TUSC3: variants seen among roughly 807,000 people sequenced by gnomAD.
The protein encoded by TUSC3 is tumor suppressor candidate 3.
A neutral mutation model predicts 44.8 loss-of-function variants in TUSC3; 45 were observed. That is an observed-to-expected ratio of 1.00 (90% CI 0.79 to 1.29). The LOEUF is 1.29. Among genes scored for constraint, TUSC3 ranks in the 50% most tolerant of loss-of-function variants. The pLI is 0.00. For missense variants in TUSC3, 519 were observed against 437.9 expected (o/e 1.19, Z -1.65); for synonymous variants, 212 against 152.9 (o/e 1.39, Z -2.85).
chr8:15,571,209 C>T (rs564396472), intron 1 of TUSC3, among the ~76,000 whole-genome samples: 2 of 151,982 alleles, frequency 1.3e-5, no homozygotes, highest in South Asian at 2.1e-4. Context: ...CTGCCTCGGC[C>T]TCCCAAAGTG....
chr8:15,780,203 A>G, the TUSC3 span, among the ~76,000 whole-genome samples: 1 of 152,174 alleles, frequency 6.6e-6, no homozygotes, highest in African/African-American at 2.4e-5. Flanking sequence ...ATTCTGATGA[A>G]CTGGGCAACT....
At chr8:15,634,590 G>C (rs1007315279) in intron 2 of TUSC3, among the ~76,000 whole-genome samples, 1 of 152,190 alleles carries the variant, frequency 6.6e-6, no homozygotes, top group Non-Finnish European at 1.5e-5. Context: ...GGTTGAAGAT[G>C]GCAGATCCAG....
rs117995896 is a variant in TUSC3 at position 15,706,841 on chromosome 8, A to G, written c.799-23825A>G. 3.4e-3 allele frequency among the ~76,000 whole-genome samples: 523 copies of G among 152,106 alleles called. 9 individuals are homozygous for G. In the East Asian group the frequency reaches 0.036, roughly 10 times the overall value. On this transcript the variant is annotated intron_variant, in intron 6 of 10. Transcript: ENST00000503731. Reference sequence around the variant, plus strand: ...TTGTAGAGAAGCATGTATTTCAGCTATCAACTTTATTCTTTTACTATTTTG... The same window carrying G: ...TTGTAGAGAAGCATGTATTTCAGCTGTCAACTTTATTCTTTTACTATTTTG...
intron 1 of TUSC3, among the ~76,000 whole-genome samples, chr8:15,573,934 A>G (rs1802990578): frequency 1.3e-5 from 2 of 152,172 alleles, no homozygotes. Context: ...TCTTCTTCCC[A>G]GTAGATGGTA....
intron 1 of TUSC3, among the ~76,000 whole-genome samples, chr8:15,459,875 T>C (rs564700210): frequency 3.4e-5 from 5 of 148,180 alleles, no homozygotes; most frequent in East Asian, 1.9e-4. Flanking sequence ...TGTGTGTGTG[T>C]ATACATACAT....
chr8:15,428,333 T>G (rs1585784259), intron 1 of TUSC3, among the ~76,000 whole-genome samples: 1 of 152,044 alleles, frequency 6.6e-6, no homozygotes, highest in Non-Finnish European at 1.5e-5. Context: ...TATTCCATGG[T>G]GCATATGTGC....
the TUSC3 span, among the ~76,000 whole-genome samples, chr8:15,782,573 T>C: frequency 1.3e-5 from 2 of 152,150 alleles, no homozygotes; most frequent in South Asian, 4.1e-4. Flanking sequence ...CAATGATGGC[T>C]CAACAACATG....
intron 1 of TUSC3, among the ~76,000 whole-genome samples, chr8:15,541,122 TAA>T (rs985162269): frequency 1.9e-4 from 29 of 152,372 alleles, no homozygotes; most frequent in African/African-American, 6.5e-4. Flanking sequence ...GAGTGTGTTT[TAA>T]GTTATCCTGT....
intron 2 of TUSC3, among the ~76,000 whole-genome samples, chr8:15,497,003 C>G (rs1047769025): frequency 1.3e-5 from 2 of 152,092 alleles, no homozygotes; most frequent in African/African-American, 4.8e-5. Context: ...GAAAAAAATC[C>G]TCTATCTCTA....
chr8:15,444,687 G>C (rs904076696), intron 1 of TUSC3, among the ~76,000 whole-genome samples: 19 of 152,104 alleles, frequency 1.2e-4, no homozygotes, highest in African/African-American at 4.6e-4. Flanking sequence ...ACTAGAATTT[G>C]GTCAAGGAGA....
At chr8:15,619,679 G>GT (rs922420763) in intron 1 of TUSC3, among the ~76,000 whole-genome samples, 2 of 151,870 alleles carry the variant, frequency 1.3e-5, no homozygotes, top group African/African-American at 4.8e-5. Flanking sequence ...TTTTTTGTTT[G>GT]TTTGTTTGTT....
chr8:15,773,555 A>G, the TUSC3 span, among the ~76,000 whole-genome samples: 1 of 152,324 alleles, frequency 6.6e-6, no homozygotes, highest in Middle Eastern at 3.4e-3. Flanking sequence ...TTCCTATTAT[A>G]ATCCAGTGGC....
chr8:15,808,425 T>A, the TUSC3 span, among the ~76,000 whole-genome samples: 1 of 152,344 alleles, frequency 6.6e-6, no homozygotes, highest in Admixed American at 6.5e-5. Flanking sequence ...TTTATTACTA[T>A]CAGTGAGAGT....
intron 6 of TUSC3, among the ~76,000 whole-genome samples, chr8:15,691,138 A>G (rs747657021): frequency 6.6e-6 from 1 of 152,044 alleles, no homozygotes; most frequent in Admixed American, 6.6e-5. Flanking sequence ...AATCATGAAC[A>G]TGAAATGTTT....
At chr8:15,522,106 T>C (rs570961865) in intron 2 of TUSC3, among the ~76,000 whole-genome samples, 1 of 152,348 alleles carries the variant, frequency 6.6e-6, no homozygotes, top group South Asian at 2.1e-4. Context: ...TACAGTAGAC[T>C]ATTGTTGTGT....
At chr8:15,756,909 G>A (rs532603749) in intron 9 of TUSC3, among the ~76,000 whole-genome samples, 112 of 152,312 alleles carry the variant, frequency 7.4e-4, no homozygotes, top group Non-Finnish European at 1.4e-3. Flanking sequence ...TTGGGAGGCT[G>A]AGGCAGGAGA....
chr8:15,783,240 G>C, the TUSC3 span, among the ~76,000 whole-genome samples: 1 of 152,168 alleles, frequency 6.6e-6, no homozygotes. Context: ...CCATGTTCAT[G>C]GATTGGAAGA....
chr8:15,490,370 C>T (rs1027598060), intron 2 of TUSC3, among the ~76,000 whole-genome samples: 12 of 152,084 alleles, frequency 7.9e-5, no homozygotes, highest in Admixed American at 2.6e-4. Flanking sequence ...TTGCTCAAGA[C>T]GGAGGAGGAG....
intron 2 of TUSC3, among the ~76,000 whole-genome samples, chr8:15,628,062 G>A (rs1394645006): frequency 1.3e-5 from 2 of 151,976 alleles, no homozygotes; most frequent in African/African-American, 4.8e-5. Context: ...TTGCCATTTT[G>A]GTATATCAGT....
Sources: allele counts gnomAD v4.1 joint callset (sites outside exome capture counted in the v4.1 genomes callset), GRCh38; gene constraint gnomAD v4.1.1; transcripts MANE v1.5; gene names NCBI Gene and HGNC (gene_info 2026-07-23, HGNC 2026-07-21).